PCLO: variants seen among roughly 807,000 people sequenced by gnomAD.
The protein encoded by PCLO is protein piccolo.
Under a neutral mutation model 427.5 loss-of-function variants are expected in PCLO, and 82 were observed. That is an observed-to-expected ratio of 0.19 (90% confidence interval 0.16 to 0.23). The LOEUF (loss-of-function observed/expected upper bound fraction) is 0.23. PCLO is among the 10% of genes least tolerant of loss of function. The pLI is 1.00. For missense variants in PCLO, 6,239 were observed against 6,115.9 expected (o/e 1.02, Z -0.67); for synonymous variants, 2,357 against 2,155.4 (o/e 1.09, Z -2.59).
In PCLO at chr7:82,953,072, T is replaced by C. The variant is rs1433429783; in HGVS notation, c.7881A>G (p.Thr2627=). ...EPVFSVVPPV[T]AVEIPISSEQ... ...CTGAAGAAATTGGAATTTCTACAGC[T>C]GTCACAGGAGGAACTACAGAAAACA... is the stretch of plus-strand genomic sequence containing the variant. Residue 2627 remains threonine, a synonymous_variant, in exon 5 of 25, where the codon ACA becomes ACG. Transcript: ENST00000333891. The C allele has an allele frequency of 6.2e-7, 1 of 1,613,958 alleles. No individual in the cohort carries two copies. Among genetic ancestry groups the C allele is most frequent in the Non-Finnish European group, 8.5e-7 (1 of 1,179,832 alleles).
At chr7:82,824,129 G>A (rs912932646) in intron 19 of PCLO, 107 bp downstream of exon 19, 10 of 682,480 alleles carry the variant, frequency 1.5e-5, no homozygotes, top group Admixed American at 6.1e-5. Context: ...TTTTCCAGTC[G>A]TGTCTAATCT....
Position 82,824,279 on chromosome 7 carries a change from A to G in PCLO, c.14553T>C (p.Val4851=), listed in dbSNP as rs1332586079. 2 of 1,613,438 alleles carry G rather than the reference A, an allele frequency of 1.2e-6. No homozygotes were observed. The highest frequency in any genetic ancestry group is 3.3e-5 in the Admixed American group (2 of 59,938). The stretch of plus-strand genomic sequence containing the variant: ...AGATACCATGGCTTCTGCTTTTGAT[A>G]ACAGATGGCTTTGGGGACTGCTGGC... ...QSSQQSPKPS[V]IKSRSHGIFP... The change falls in exon 19 of 25, where the codon GTT becomes GTC. Residue 4851 remains valine (V), a synonymous_variant. Transcript: ENST00000333891.
chr7:82,909,605 C>T (rs1794273861), intron 7 of PCLO, among the ~76,000 whole-genome samples: 3 of 152,058 alleles, frequency 2.0e-5, no homozygotes, highest in Non-Finnish European at 4.4e-5. Context: ...TTACATCAAC[C>T]CAGTGCCAAT....
At chr7:82,860,552 G>A (rs1792926991) in intron 10 of PCLO, among the ~76,000 whole-genome samples, 1 of 152,012 alleles carries the variant, frequency 6.6e-6, no homozygotes, top group African/African-American at 2.4e-5. Context: ...TACAAGAGAT[G>A]CTAAAGGGGG....
intron 3 of PCLO, among the ~76,000 whole-genome samples, chr7:83,049,368 G>A (rs1462993065): frequency 6.6e-6 from 1 of 152,110 alleles, no homozygotes; most frequent in African/African-American, 2.4e-5. Context: ...AGTGCACAAT[G>A]GCCAATATGT....
At chr7:83,078,172 T>C (rs988572931) in intron 3 of PCLO, among the ~76,000 whole-genome samples, 9 of 152,142 alleles carry the variant, frequency 5.9e-5, no homozygotes, top group Non-Finnish European at 1.0e-4. Flanking sequence ...ATTGTACCTA[T>C]CACTGTCATC....
intron 10 of PCLO, among the ~76,000 whole-genome samples, chr7:82,855,396 T>TA (rs1792776577): frequency 6.6e-6 from 1 of 152,072 alleles, no homozygotes; most frequent in African/African-American, 2.4e-5. Flanking sequence ...TATCAGTAAA[T>TA]AAAAAAACTA....
chr7:82,780,649 G>A (rs1790853804), intron 22 of PCLO, among the ~76,000 whole-genome samples: 1 of 152,176 alleles, frequency 6.6e-6, no homozygotes. Context: ...CCGGGTTCTC[G>A]CCATTCTCCT....
rs1793005730 is a variant in PCLO, at chr7:82,863,108, T to C, written c.13655-15861A>G. Among the ~76,000 whole-genome samples the C allele has an allele frequency of 2.0e-5, 3 of 152,042 alleles. No homozygotes were observed. In the South Asian group the frequency reaches 6.2e-4, roughly 31 times the overall value. ...CATGCCTGTATGAAAACATCTCATG[T>C]ACCTCATAAATATATATACCTACTA... On this transcript the variant is annotated intron_variant, in intron 10 of 24. Coordinates refer to ENST00000333891, the MANE Select transcript of PCLO (RefSeq NM_033026.6).
At chr7:82,781,836 G>A (rs1415289854) in intron 22 of PCLO, among the ~76,000 whole-genome samples, 3 of 152,186 alleles carry the variant, frequency 2.0e-5, no homozygotes, top group Non-Finnish European at 4.4e-5. Flanking sequence ...AAACCCAAGA[G>A]GATTGGGTTT....
At position 83,060,040 on chromosome 7, in the gene PCLO, T is replaced by A. The variant is rs149154839; in HGVS notation, c.3300+74210A>T. Among the ~76,000 whole-genome samples the A allele has an allele frequency of 2.6e-3, 390 of 152,304 alleles. 2 individuals are homozygous for A. Among genetic ancestry groups the A allele is most frequent in the African/African-American group, 9.0e-3 (376 of 41,566 alleles). ...TCTGCAGTTTAAATTATGTTTCCTA[T>A]GGCAAGAAAATAGCTGCATAGATAA... On this transcript the variant is annotated intron_variant, in intron 3 of 24. Transcript: ENST00000333891.
At chr7:82,802,042 T>C (rs1791365197) in intron 21 of PCLO, among the ~76,000 whole-genome samples, 1 of 151,992 alleles carries the variant, frequency 6.6e-6, no homozygotes, top group Non-Finnish European at 1.5e-5. Flanking sequence ...ATAAAAATGA[T>C]ATTTTAATAA....
intron 3 of PCLO, among the ~76,000 whole-genome samples, chr7:83,021,951 T>A (rs931059242): frequency 2.0e-5 from 3 of 152,210 alleles, no homozygotes; most frequent in African/African-American, 7.2e-5. Flanking sequence ...GATAAAATTA[T>A]ATAAACAAAT....
At chr7:82,801,646 A>G (rs1791355623) in intron 21 of PCLO, 55 bp from the exon 22 acceptor site, 4 of 1,056,308 alleles carry the variant, frequency 3.8e-6, no homozygotes, top group African/African-American at 1.6e-5. Flanking sequence ...TGAATGCAAA[A>G]GAGGCTAAAT....
chr7:82,854,176 C>T (rs1392021096), intron 10 of PCLO, among the ~76,000 whole-genome samples: 1 of 152,004 alleles, frequency 6.6e-6, no homozygotes, highest in Non-Finnish European at 1.5e-5. Flanking sequence ...TGTCTTTGCT[C>T]CCCTGGGTGC....
At chr7:82,842,571 T>C (rs973969533) in intron 13 of PCLO, among the ~76,000 whole-genome samples, 2 of 152,054 alleles carry the variant, frequency 1.3e-5, no homozygotes, top group Non-Finnish European at 2.9e-5. Flanking sequence ...GTCTTTTGCA[T>C]AGCCAATCAG....
chr7:83,049,984 T>C (rs1050733744), intron 3 of PCLO, among the ~76,000 whole-genome samples: 11 of 151,516 alleles, frequency 7.3e-5, no homozygotes, highest in African/African-American at 2.4e-4. Flanking sequence ...AAATTTGTTA[T>C]TTCTTCATAT....
chr7:82,790,778 GT>G (rs1791084720), intron 22 of PCLO, among the ~76,000 whole-genome samples: 1 of 152,160 alleles, frequency 6.6e-6, no homozygotes, highest in Non-Finnish European at 1.5e-5. Context: ...AAATTATGTA[GT>G]TTTTAATTGA....
intron 3 of PCLO, among the ~76,000 whole-genome samples, chr7:83,122,927 A>T (rs1360589913): frequency 6.6e-6 from 1 of 152,176 alleles, no homozygotes; most frequent in Non-Finnish European, 1.5e-5. Flanking sequence ...AACTTAACCA[A>T]GGAAGTGAAA....
Sources: gnomAD v4.1 joint callset for allele counts (sites outside exome capture counted in the v4.1 genomes callset) on GRCh38, gnomAD v4.1.1 for gene constraint, MANE v1.5 for transcripts, NCBI Gene and HGNC (gene_info 2026-07-23, HGNC 2026-07-21) for gene names.